CCDC18: variants seen among roughly 807,000 people sequenced by gnomAD.
The protein encoded by CCDC18 is coiled-coil domain-containing protein 18.
Under a neutral mutation model 196.0 loss-of-function variants are expected in CCDC18, and 157 were observed. The observed-to-expected ratio is 0.80, with a 90% CI of 0.70 to 0.91. The LOEUF (loss-of-function observed/expected upper bound fraction) is 0.91, where lower values mean the gene tolerates loss of function less well. CCDC18 is among the 40% of genes least tolerant of loss of function. The pLI is 0.00. For synonymous variants in CCDC18, 482 were observed against 529.2 expected (o/e 0.91, Z 1.22); for missense variants, 1,465 against 1,611.6 (o/e 0.91, Z 1.56).
chr1:93,183,509 A>G lies in CCDC18; in HGVS notation c.134+14A>G. The G allele has an allele frequency of 6.4e-7, 1 of 1,570,962 alleles. No individual in the cohort carries two copies. The highest frequency in any genetic ancestry group is 1.2e-5 in the South Asian group (1 of 82,842). ...AGAGTTATCCAGGTAAGTAAGTAAA[A>G]TCACATATAGAATTCACTGTGCCTT... On this transcript the variant is annotated intron_variant, in intron 2 of 28. Transcript: ENST00000690025.
chr1:93,193,258 T>C (rs1331322881), intron 5 of CCDC18, among the ~76,000 whole-genome samples: 4 of 152,152 alleles, frequency 2.6e-5, no homozygotes, highest in Non-Finnish European at 5.9e-5. Flanking sequence ...CTTATTACCT[T>C]TTCATATTTG....
At chr1:93,245,595 G>T (rs1431169146) in intron 21 of CCDC18, among the ~76,000 whole-genome samples, 3 of 152,024 alleles carry the variant, frequency 2.0e-5, no homozygotes, top group African/African-American at 7.2e-5. Context: ...ATAAATTAGG[G>T]TTTAAGAGGG....
At chr1:93,196,892 T>C (rs1652820611) in intron 6 of CCDC18, among the ~76,000 whole-genome samples, 1 of 152,208 alleles carries the variant, frequency 6.6e-6, no homozygotes, top group African/African-American at 2.4e-5. Flanking sequence ...ATCCTGTATG[T>C]TTGGAAATGT....
At position 93,270,769 on chromosome 1, in the gene CCDC18, A is replaced by G; in HGVS notation, c.4308A>G (p.Arg1436=). Residue 1436 remains arginine, a synonymous_variant, in exon 28 of 29, where the codon AGA becomes AGG. Transcript: ENST00000690025. ...GMLRYINKEV[R]LLKKSSMQTG... is the part of the protein sequence containing the mutation. ...TAAGATACATAAACAAAGAAGTAAGACTATTAAAAAAGTCTTCTATGCAAA... is the reference window on the plus strand; with the variant it reads ...TAAGATACATAAACAAAGAAGTAAGGCTATTAAAAAAGTCTTCTATGCAAA... 1 of 1,546,540 alleles carries G rather than the reference A, an allele frequency of 6.5e-7. No individual in the cohort carries two copies. The highest frequency in any genetic ancestry group is 8.7e-7 in the Non-Finnish European group (1 of 1,145,706).
At chr1:93,246,329 G>C (rs1661493908) in intron 22 of CCDC18, 125 bp downstream of exon 22, 2 of 548,068 alleles carry the variant, frequency 3.6e-6, no homozygotes, top group Admixed American at 3.4e-5. Flanking sequence ...CTGCACATAG[G>C]GTTTACTAAA....
chr1:93,234,286 C>T (rs754247333), intron 18 of CCDC18, among the ~76,000 whole-genome samples: 29 of 151,970 alleles, frequency 1.9e-4, no homozygotes, highest in Non-Finnish European at 3.5e-4. Flanking sequence ...CTCAGCCTCC[C>T]GAGTAGCTGG....
intron 2 of CCDC18, 127 bp from the exon 3 acceptor site, chr1:93,183,851 C>A: frequency 2.0e-6 from 1 of 508,208 alleles, no homozygotes; most frequent in Non-Finnish European, 3.2e-6. Flanking sequence ...GGAAACATTG[C>A]CTTATGTTCA....
intron 26 of CCDC18, among the ~76,000 whole-genome samples, chr1:93,263,481 C>A (rs1476291843): frequency 6.6e-6 from 1 of 152,198 alleles, no homozygotes; most frequent in Non-Finnish European, 1.5e-5. Flanking sequence ...TCATCTCTCT[C>A]AACTTCAAAG....
chr1:93,237,803 G>T (rs1296754450), intron 19 of CCDC18, among the ~76,000 whole-genome samples: 2 of 151,966 alleles, frequency 1.3e-5, no homozygotes, highest in African/African-American at 4.8e-5. Context: ...TGACACCTTG[G>T]CTTCTCATTT....
chr1:93,184,537 A>AT (rs1650292299), intron 3 of CCDC18, among the ~76,000 whole-genome samples: 1 of 151,946 alleles, frequency 6.6e-6, no homozygotes, highest in African/African-American at 2.4e-5. Flanking sequence ...TACTTTGGAT[A>AT]GTATGGCACT....
At chr1:93,227,058 T>G (rs1019554400) in intron 17 of CCDC18, among the ~76,000 whole-genome samples, 2 of 152,110 alleles carry the variant, frequency 1.3e-5, no homozygotes, top group Admixed American at 1.3e-4. Flanking sequence ...TTTAGAGGTT[T>G]AAAATTCTTC....
At chr1:93,180,390 TCCGAA>T, upstream of CCDC18, 1 of 1,255,076 alleles carries the variant, frequency 8.0e-7, no homozygotes, top group Non-Finnish European at 1.1e-6. Context: ...GAACACTCCC[TCCGAA>T]AGAGAAGCGC....
chr1:93,249,949 A>C (rs1217757862), intron 23 of CCDC18, among the ~76,000 whole-genome samples: 1 of 152,072 alleles, frequency 6.6e-6, no homozygotes, highest in Non-Finnish European at 1.5e-5. Context: ...AAGACATTAA[A>C]ATTTTTTTTA....
chr1:93,254,998 G>T (rs1481676072), intron 24 of CCDC18, among the ~76,000 whole-genome samples: 1 of 120,622 alleles, frequency 8.3e-6, no homozygotes, highest in African/African-American at 3.3e-5. Flanking sequence ...TGTTGCCCAG[G>T]CTGGAGTGCA....
intron 17 of CCDC18, among the ~76,000 whole-genome samples, chr1:93,230,492 A>AG (rs1390960416): frequency 7.2e-6 from 1 of 139,080 alleles, no homozygotes; most frequent in African/African-American, 3.0e-5. Flanking sequence ...ACTCCATCTC[A>AG]AAAAAAAAAA....
rs548022324 is a variant in CCDC18 at position 93,188,094 on chromosome 1, G to C, written c.462+1591G>C. Among the ~76,000 whole-genome samples the C allele has an allele frequency of 1.2e-4, 18 of 152,290 alleles. No homozygotes were observed. In the East Asian group the frequency reaches 3.3e-3, roughly 28 times the overall value. On this transcript the variant is annotated intron_variant, in intron 4 of 28. Coordinates refer to ENST00000690025, the MANE Select transcript of CCDC18 (RefSeq NM_001378204.1). ...TTTTTAGGATATAAACATACCAGTG[G>C]TTATGTGAGAAAGTAAGATACTAGT... is the stretch of plus-strand genomic sequence containing the variant.
chr1:93,240,242 T>G (rs753559075), intron 21 of CCDC18, among the ~76,000 whole-genome samples: 57 of 152,252 alleles, frequency 3.7e-4, no homozygotes, highest in Non-Finnish European at 4.1e-4. Flanking sequence ...ACTTCACATA[T>G]GATCTCACTC....
intron 23 of CCDC18, among the ~76,000 whole-genome samples, chr1:93,247,575 T>C (rs908887228): frequency 2.6e-5 from 4 of 151,672 alleles, no homozygotes; most frequent in Admixed American, 1.3e-4. Context: ...ACCACCATGA[T>C]TGGCTAATTT....
chr1:93,189,185 T>C (rs1423364960), intron 4 of CCDC18, among the ~76,000 whole-genome samples: 1 of 152,186 alleles, frequency 6.6e-6, no homozygotes, highest in African/African-American at 2.4e-5. Context: ...AGTTCAATTG[T>C]TTTGATTTTT....
Sources: allele counts gnomAD v4.1 joint callset (sites outside exome capture counted in the v4.1 genomes callset), GRCh38; gene constraint gnomAD v4.1.1; transcripts MANE v1.5; gene names NCBI Gene and HGNC (gene_info 2026-07-23, HGNC 2026-07-21).